DMD: variants seen among roughly 807,000 people sequenced by gnomAD.
The protein encoded by DMD is mutant dystrophin.
In DMD, 63 loss-of-function variants were observed where a neutral mutation model predicts 330.1. The observed-to-expected ratio is 0.19, with a 90% CI of 0.16 to 0.24. DMD has a LOEUF of 0.24. Among genes scored for constraint, DMD ranks in the 10% least tolerant of loss-of-function variants. The probability of loss-of-function intolerance (pLI) is 1.00; values close to 1 mark genes in which losing one functional copy is unlikely to be tolerated. For synonymous variants in DMD, 1,223 were observed against 959.8 expected (o/e 1.27, Z -5.07); for missense variants, 3,344 against 2,684.1 (o/e 1.25, Z -5.43).
At chrX:32,892,862 T>G (rs984976475) in intron 2 of DMD, among the ~76,000 whole-genome samples, 2 of 112,053 alleles carry the variant, frequency 1.8e-5, no homozygotes, top group African/African-American at 6.5e-5. Flanking sequence ...AAAACCAACT[T>G]AAAGGAATGG....
chrX:33,009,804 GTATA>G (rs2093609277), intron 2 of DMD, among the ~76,000 whole-genome samples: 1 of 26,224 alleles, frequency 3.8e-5, no homozygotes, highest in African/African-American at 1.2e-4. Context: ...GTGTATATGT[GTATA>G]TACACACATA....
chrX:33,009,124 GTATATATGTATATATATGTGTA>G lies in DMD; in HGVS notation c.93+10993_93+11014del, dbSNP rs2093496615. On this transcript the variant is annotated intron_variant, in intron 2 of 78. Coordinates refer to ENST00000357033, the MANE Select transcript of DMD (RefSeq NM_004006.3). ...TATGTATATATATGTGTATATATAC[GTATATATGTATATATATGTGTA>G]TATATACGTATATATGTATATATAT... 2.4e-4 allele frequency among the ~76,000 whole-genome samples: 5 copies of G among 21,022 alleles called. 2 individuals carry two copies. Among genetic ancestry groups the G allele is most frequent in the Admixed American group, 1.4e-3 (3 of 2,129 alleles). 18.3% of individuals were successfully genotyped at this position (21,022 alleles called of 115,157 possible). A position where few individuals can be genotyped will look rare whatever the true frequency, so the allele number is the denominator to read the frequency against.
At chrX:33,029,532 T>C (rs1278396142) in intron 1 of DMD, among the ~76,000 whole-genome samples, 1 of 111,788 alleles carries the variant, frequency 8.9e-6, no homozygotes, top group Non-Finnish European at 1.9e-5. Context: ...GTTGTTGGAC[T>C]CAGAAACCAG....
intron 9 of DMD, among the ~76,000 whole-genome samples, chrX:32,658,972 G>T (rs1602631066): frequency 8.9e-6 from 1 of 111,853 alleles, no homozygotes; most frequent in East Asian, 2.8e-4. Flanking sequence ...GAGGGTAATT[G>T]TAAGGCTCAC....
intron 30 of DMD, 27 bp from the exon 31 acceptor site, chrX:32,390,208 A>G (rs754907412): frequency 1.9e-6 from 2 of 1,062,934 alleles, no homozygotes; most frequent in South Asian, 1.9e-5. Flanking sequence ...ATTATTAGTC[A>G]GCATGCTCTA....
intron 11 of DMD, among the ~76,000 whole-genome samples, chrX:32,630,958 C>T (rs73621809): frequency 0.1 from 11,328 of 110,975 alleles, 454 homozygotes; most frequent in Middle Eastern, 0.13. Flanking sequence ...TGTTTGTATC[C>T]ATACTTCTCA....
intron 12 of DMD, among the ~76,000 whole-genome samples, chrX:32,605,705 T>C (rs1008644032): frequency 1.1e-4 from 12 of 109,431 alleles, no homozygotes; most frequent in Non-Finnish European, 2.3e-4. Context: ...AGAAGAAAAA[T>C]AGATAACCCC....
intron 44 of DMD, among the ~76,000 whole-genome samples, chrX:32,046,618 C>G (rs1300153772): frequency 1.8e-5 from 2 of 111,336 alleles, no homozygotes; most frequent in African/African-American, 6.5e-5. Context: ...AGGCAAAAAG[C>G]CAAAATAAAA....
intron 15 of DMD, among the ~76,000 whole-genome samples, chrX:32,567,679 G>A (rs146741659): frequency 0.014 from 1,606 of 112,571 alleles, 29 homozygotes; most frequent in African/African-American, 0.05. Context: ...TTACAGGCAT[G>A]AGCCACCATA....
chrX:32,649,559 TAAA>T (rs1161462889), intron 9 of DMD, among the ~76,000 whole-genome samples: 23 of 54,249 alleles, frequency 4.2e-4, no homozygotes, highest in African/African-American at 2.0e-3. Context: ...CCGTCTCTTT[TAAA>T]AAAAAAAAAA....
intron 42 of DMD, among the ~76,000 whole-genome samples, chrX:32,307,412 C>A (rs2097544513): frequency 9.0e-6 from 1 of 111,386 alleles, no homozygotes; most frequent in Non-Finnish European, 1.9e-5. Flanking sequence ...GGATGCAGAA[C>A]TTTAACTACC....
At chrX:32,186,365 G>A (rs1476871778) in intron 44 of DMD, among the ~76,000 whole-genome samples, 1 of 110,969 alleles carries the variant, frequency 9.0e-6, no homozygotes, top group Non-Finnish European at 1.9e-5. Context: ...GCTGTTTTAT[G>A]CTTTATATAT....
At chrX:32,411,469 C>A (rs2098141763) in intron 30 of DMD, among the ~76,000 whole-genome samples, 2 of 111,547 alleles carry the variant, frequency 1.8e-5, no homozygotes, top group South Asian at 3.8e-4. Context: ...TATGGTTTTA[C>A]TCTAGCTTTT....
intron 55 of DMD, chrX:31,508,434 C>A: frequency 2.8e-6 from 1 of 355,896 alleles, no homozygotes; most frequent in Non-Finnish European, 4.9e-6. Flanking sequence ...AGTAGCCAGG[C>A]GTGTGGATGT....
chrX:32,267,366 C>A (rs762930868), intron 43 of DMD, among the ~76,000 whole-genome samples: 12 of 112,175 alleles, frequency 1.1e-4, no homozygotes, highest in Non-Finnish European at 2.3e-4. Flanking sequence ...TTTCATGTGG[C>A]AAAGAATTCT....
At chrX:32,587,986 T>C (rs2054479836) in intron 13 of DMD, among the ~76,000 whole-genome samples, 1 of 111,525 alleles carries the variant, frequency 9.0e-6, no homozygotes, top group Non-Finnish European at 1.9e-5. Context: ...AGGTATACTG[T>C]AGATAAGGAA....
intron 30 of DMD, among the ~76,000 whole-genome samples, chrX:32,392,811 A>C (rs1490827048): frequency 8.9e-6 from 1 of 112,577 alleles, no homozygotes; most frequent in Non-Finnish European, 1.9e-5. Context: ...GAATCCATCC[A>C]ACATATTATG....
chrX:32,055,528 C>G (rs1463377757), intron 44 of DMD, among the ~76,000 whole-genome samples: 1 of 110,969 alleles, frequency 9.0e-6, no homozygotes. Context: ...TTGAATGTTC[C>G]CAACACAAAT....
Position 31,801,580 on chromosome X carries a change from TCC to T in DMD, c.7309+18393_7309+18394del, listed in dbSNP as rs761209143. Among the ~76,000 whole-genome samples, 252 of 64,653 alleles carry T rather than the reference TCC, an allele frequency of 3.9e-3. 2 individuals carry two copies. Among genetic ancestry groups the T allele is most frequent in the East Asian group, 7.1e-3 (9 of 1,261 alleles). The allele number at this position is 64,653 out of a possible 115,157, so 56.1% of individuals were successfully genotyped here. A position where few individuals can be genotyped will look rare whatever the true frequency, so the allele number is the denominator to read the frequency against. The stretch of plus-strand genomic sequence containing the variant: ...CAAGACTGGATCTTAAGTGTCCTCA[TCC>T]CCCCCCCCCAACACACACACAATAG... On this transcript the variant is annotated intron_variant, in intron 50 of 78. Coordinates refer to ENST00000357033, the MANE Select transcript of DMD (RefSeq NM_004006.3).
Sources: gnomAD v4.1 joint callset for allele counts (sites outside exome capture counted in the v4.1 genomes callset) on GRCh38, gnomAD v4.1.1 for gene constraint, MANE v1.5 for transcripts, NCBI Gene and HGNC (gene_info 2026-07-23, HGNC 2026-07-21) for gene names.